Variants in DAB1 observed in about 807,000 individuals in gnomAD.
DAB1 encodes DAB adaptor protein 1, also known as disabled homolog 1.
In DAB1, 15 loss-of-function variants were observed where a neutral mutation model predicts 64.6. The observed-to-expected ratio is 0.23, with a 90% confidence interval of 0.16 to 0.36. The LOEUF is 0.36. DAB1 is among the 10% of genes least tolerant of loss of function. The probability of loss-of-function intolerance (pLI) is 1.00; values close to 1 mark genes in which losing one functional copy is unlikely to be tolerated. For missense variants in DAB1, 596 were observed against 706.7 expected (o/e 0.84, Z 1.78); for synonymous variants, 235 against 251.9 (o/e 0.93, Z 0.64).
intron 1 of DAB1, among the ~76,000 whole-genome samples, chr1:57,337,766 T>C (rs1274310470): frequency 2.6e-5 from 4 of 152,072 alleles, no homozygotes; most frequent in African/African-American, 9.7e-5. Context: ...CTGCTGGGGC[T>C]TCCCTGCTCA....
At chr1:58,388,943 GC>G (rs1644455257) in intron 3 of DAB1, among the ~76,000 whole-genome samples, 1 of 152,164 alleles carries the variant, frequency 6.6e-6, no homozygotes, top group African/African-American at 2.4e-5. Context: ...AATGATGATA[GC>G]AATATCCATG....
chr1:57,704,152 A>G (rs1376958922), intron 6 of DAB1, among the ~76,000 whole-genome samples: 1 of 152,192 alleles, frequency 6.6e-6, no homozygotes. Context: ...AAGTGTACCT[A>G]TGTAAAAAAC....
intron 2 of DAB1, among the ~76,000 whole-genome samples, chr1:57,151,974 C>T (rs371582187): frequency 1.4e-4 from 21 of 151,926 alleles, no homozygotes; most frequent in African/African-American, 2.7e-4. Flanking sequence ...CCACCATGCC[C>T]GGCTGATTTT....
chr1:58,119,135 T>G (rs1163886808), intron 5 of DAB1, among the ~76,000 whole-genome samples: 2 of 152,154 alleles, frequency 1.3e-5, no homozygotes, highest in Non-Finnish European at 2.9e-5. Flanking sequence ...ATTTTAATAG[T>G]AGCAAGCATT....
At chr1:58,079,299 T>C (rs2100588832) in intron 5 of DAB1, among the ~76,000 whole-genome samples, 1 of 152,218 alleles carries the variant, frequency 6.6e-6, no homozygotes, top group South Asian at 2.1e-4. Flanking sequence ...CACCCTCCAC[T>C]GCACCCTCTC....
chr1:58,377,680 G>C (rs1322853914), intron 3 of DAB1, among the ~76,000 whole-genome samples: 1 of 139,980 alleles, frequency 7.1e-6, no homozygotes, highest in Non-Finnish European at 1.6e-5. Context: ...TTCTCGAAGA[G>C]TATCTTTGTG....
chr1:57,363,701 T>C (rs894774778), intron 1 of DAB1, among the ~76,000 whole-genome samples: 32 of 152,138 alleles, frequency 2.1e-4, no homozygotes, highest in Non-Finnish European at 1.2e-4. Context: ...GTACAGTCAC[T>C]GGAAGGCAGG....
intron 1 of DAB1, chr1:57,876,590 T>C (rs1644050963): frequency 6.6e-6 from 1 of 152,198 alleles, no homozygotes; most frequent in South Asian, 2.1e-4. Context: ...TCTGATTCTG[T>C]AGCGTTGCGC....
intron 6 of DAB1, among the ~76,000 whole-genome samples, chr1:57,743,690 G>C (rs1351209257): frequency 1.3e-5 from 2 of 152,262 alleles, no homozygotes; most frequent in East Asian, 1.9e-4. Flanking sequence ...AGAGCAGCTC[G>C]GTCCAGGAGA....
chr1:57,483,184 G>T (rs1644046012), intron 7 of DAB1, among the ~76,000 whole-genome samples: 1 of 152,124 alleles, frequency 6.6e-6, no homozygotes, highest in African/African-American at 2.4e-5. Flanking sequence ...CTTATAACAT[G>T]TATTTTTTAT....
chr1:57,770,415 A>T (rs1361510371), intron 6 of DAB1, among the ~76,000 whole-genome samples: 1 of 151,826 alleles, frequency 6.6e-6, no homozygotes, highest in Non-Finnish European at 1.5e-5. Flanking sequence ...CCACAGGTGT[A>T]TGACACCATG....
rs111249029 is a variant in DAB1, at chr1:57,703,667, C to A, written n.552-54002G>T. Among the ~76,000 whole-genome samples, 325 of 152,108 alleles carry A rather than the reference C, an allele frequency of 2.1e-3. 1 individual carries two copies. Among genetic ancestry groups the A allele is most frequent in the African/African-American group, 7.2e-3 (300 of 41,502 alleles). ...CCTAAGGACAAAAATACAATTAGAC[C>A]CAGCAATCCTATTACTGGTATATAC... On this transcript the variant is annotated intron_variant and non_coding_transcript_variant, in intron 6 of 20. Transcript: ENST00000485760.
chr1:58,245,057 A>G (rs678330), intron 4 of DAB1, among the ~76,000 whole-genome samples: 108,500 of 151,688 alleles, frequency 0.72, 39,112 homozygotes, highest in African/African-American at 0.75. Flanking sequence ...ACTGCTCACC[A>G]AAGTATCAAG....
At chr1:58,152,694 A>C (rs1157443585) in intron 4 of DAB1, among the ~76,000 whole-genome samples, 2 of 152,222 alleles carry the variant, frequency 1.3e-5, no homozygotes, top group African/African-American at 4.8e-5. Context: ...TCTTATCCTT[A>C]ATTAAAGAGC....
intron 5 of DAB1, among the ~76,000 whole-genome samples, chr1:58,026,829 C>T (rs1195452085): frequency 2.6e-5 from 4 of 152,202 alleles, no homozygotes; most frequent in African/African-American, 9.7e-5. Flanking sequence ...TCATTTGTCA[C>T]CACTAAGCAT....
At chr1:58,161,211 C>T (rs546448816) in intron 4 of DAB1, among the ~76,000 whole-genome samples, 92 of 152,304 alleles carry the variant, frequency 6.0e-4, no homozygotes, top group African/African-American at 2.1e-3. Context: ...ATTTAATTGG[C>T]ACTGTGATAA....
intron 4 of DAB1, among the ~76,000 whole-genome samples, chr1:58,313,717 A>G (rs1662480105): frequency 1.3e-5 from 2 of 151,924 alleles, no homozygotes; most frequent in Non-Finnish European, 2.9e-5. Context: ...ATTTCTTACA[A>G]TTCTGGAAGT....
Position 57,186,836 on chromosome 1 carries a change from G to C in DAB1, c.68-41407C>G, listed in dbSNP as rs369881831. The stretch of plus-strand genomic sequence containing the variant: ...TTTGCTGGGAAATTAACTATTCTGT[G>C]TCAATTTCTTAAGGAATAATTATGC... On this transcript the variant is annotated intron_variant, in intron 2 of 14. Coordinates refer to ENST00000371236, the MANE Select transcript of DAB1 (RefSeq NM_001365792.1). Among the ~76,000 whole-genome samples, 39 of 152,294 alleles carry C rather than the reference G, an allele frequency of 2.6e-4. No individual in the cohort carries two copies. The East Asian group carries it at 4.2e-3, about 17-fold the overall frequency.
intron 4 of DAB1, among the ~76,000 whole-genome samples, chr1:58,175,275 G>A (rs1231181431): frequency 1.3e-5 from 2 of 152,276 alleles, no homozygotes; most frequent in South Asian, 2.1e-4. Flanking sequence ...CACTCACTGC[G>A]AAGGTCAGTG....
Sources: gnomAD v4.1 joint callset for allele counts (sites outside exome capture counted in the v4.1 genomes callset) on GRCh38, gnomAD v4.1.1 for gene constraint, MANE v1.5 for transcripts, NCBI Gene and HGNC (gene_info 2026-07-23, HGNC 2026-07-21) for gene names.